Variants in TMEM11 observed in about 807,000 individuals in gnomAD.
The protein encoded by TMEM11 is transmembrane protein 11, mitochondrial.
In TMEM11, 1 loss-of-function variant was observed where a neutral mutation model predicts 17.0. The observed-to-expected ratio is 0.06, with a 90% CI of 0.02 to 0.28. The LOEUF (loss-of-function observed/expected upper bound fraction) is 0.28, where lower values mean the gene tolerates loss of function less well. TMEM11 is among the 10% of genes least tolerant of loss of function. The probability of loss-of-function intolerance (pLI) is 1.00; values close to 1 mark genes in which losing one functional copy is unlikely to be tolerated. For missense variants in TMEM11, 172 were observed against 252.9 expected, an observed-to-expected ratio of 0.68 and a Z score of 2.17; for synonymous variants, 122 against 118.1, an observed-to-expected ratio of 1.03 and a Z score of -0.21.
At chr17:21,212,052 G>A (rs11653711) in intron 1 of TMEM11, among the ~76,000 whole-genome samples, 44,991 of 151,950 alleles carry the variant, frequency 0.3, 6,713 homozygotes, top group Middle Eastern at 0.34. Flanking sequence ...CCCCACAGCG[G>A]GTTATGTTTC....
At chr17:21,213,912 T>G in intron 1 of TMEM11, 179 bp downstream of exon 1, 1 of 625,484 alleles carries the variant, frequency 1.6e-6, no homozygotes. Context: ...GCCGAGGCCT[T>G]CGACCTCGCT....
intron 1 of TMEM11, chr17:21,211,125 G>A (rs1249234584): frequency 4.7e-6 from 6 of 1,289,824 alleles, no homozygotes; most frequent in Non-Finnish European, 5.1e-6. Context: ...AGGACAAGTG[G>A]CAATCTGTTT....
At chr17:21,199,093 G>A (rs1005315641) in intron 1 of TMEM11, among the ~76,000 whole-genome samples, 13 of 151,936 alleles carry the variant, frequency 8.6e-5, no homozygotes, top group East Asian at 1.9e-4. Context: ...AGGCCGGGGG[G>A]GCGGATCATG....
Position 21,198,282 on chromosome 17 carries a change from T to G in TMEM11, c.*42A>C, listed in dbSNP as rs1372185618. The stretch of plus-strand genomic sequence containing the variant: ...GCGATCTGAATACTCTGTTGTCTCT[T>G]GTGGGCCGGGTGGTTTTGCTTCGCT... On this transcript the variant is annotated 3_prime_UTR_variant, in exon 2 of 2. Coordinates refer to ENST00000317635, the MANE Select transcript of TMEM11 (RefSeq NM_003876.3). The surrounding 1 kb of genome is among the most constrained non-coding windows in gnomAD (Gnocchi z 6.5). 1.3e-6 allele frequency: 2 copies of G among 1,578,598 alleles called. No homozygotes were observed. Among genetic ancestry groups the G allele is most frequent in the Non-Finnish European group, 1.7e-6 (2 of 1,158,482 alleles).
At chr17:21,203,409 C>T (rs1277951033) in intron 1 of TMEM11, among the ~76,000 whole-genome samples, 1 of 152,234 alleles carries the variant, frequency 6.6e-6, no homozygotes, top group Non-Finnish European at 1.5e-5. Flanking sequence ...TGCTGCACTT[C>T]TCTTACTTCA....
At position 21,199,282 on chromosome 17, in the gene TMEM11, G is replaced by A. The variant is rs552206802; in HGVS notation, c.63-442C>T. 1.6e-4 allele frequency among the ~76,000 whole-genome samples: 22 copies of A among 135,038 alleles called. No homozygotes were observed. In the East Asian group the frequency reaches 3.1e-3, roughly 19 times the overall value. 88.6% of individuals were successfully genotyped at this position (135,038 alleles called of 152,430 possible). A position where few individuals can be genotyped will look rare whatever the true frequency, so the allele number is the denominator to read the frequency against. The stretch of plus-strand genomic sequence containing the variant: ...GCGGAGCTTGCAGTGAGCCGAGATC[G>A]TGCCATTGCACTCCAGCCTGGGTGA... On this transcript the variant is annotated intron_variant, in intron 1 of 1. Coordinates refer to ENST00000317635, the MANE Select transcript of TMEM11 (RefSeq NM_003876.3).
intron 1 of TMEM11, among the ~76,000 whole-genome samples, chr17:21,206,986 A>C (rs1353164945): frequency 1.3e-5 from 2 of 152,188 alleles, no homozygotes; most frequent in African/African-American, 4.8e-5. Context: ...CATCTCAGAA[A>C]GAAACCCTGT....
chr17:21,201,479 G>C (rs540729649), intron 1 of TMEM11, among the ~76,000 whole-genome samples: 1 of 152,118 alleles, frequency 6.6e-6, no homozygotes, highest in Non-Finnish European at 1.5e-5. Flanking sequence ...GGGATGAAAT[G>C]ATGAGCTGTT....
At chr17:21,200,598 G>C (rs1974872739) in intron 1 of TMEM11, among the ~76,000 whole-genome samples, 1 of 152,218 alleles carries the variant, frequency 6.6e-6, no homozygotes, top group African/African-American at 2.4e-5. Flanking sequence ...CCAGGGACCT[G>C]CTGGTCACTG....
At chr17:21,205,267 A>T (rs1293587915) in intron 1 of TMEM11, among the ~76,000 whole-genome samples, 1 of 152,176 alleles carries the variant, frequency 6.6e-6, no homozygotes, top group South Asian at 2.1e-4. Context: ...TGAGAGCAAA[A>T]GATGACAGGA....
chr17:21,214,060 G>A, intron 1 of TMEM11, 31 bp downstream of exon 1: 2 of 1,599,568 alleles, frequency 1.3e-6, no homozygotes, highest in Non-Finnish European at 1.7e-6. Context: ...TGAGCCGCCT[G>A]CACTGGGGGC....
intron 1 of TMEM11, among the ~76,000 whole-genome samples, chr17:21,199,346 A>AAAAAAAT (rs1974856994): frequency 6.7e-6 from 1 of 149,566 alleles, no homozygotes; most frequent in Non-Finnish European, 1.5e-5. Context: ...AAAAAAAAAA[A>AAAAAAAT]GATATAAAAA....
chr17:21,208,168 A>G (rs1202924052), intron 1 of TMEM11, among the ~76,000 whole-genome samples: 1 of 149,866 alleles, frequency 6.7e-6, no homozygotes, highest in African/African-American at 2.4e-5. Context: ...AATTTTTTGT[A>G]TTTTTAGTAG....
chr17:21,214,064 T>G, intron 1 of TMEM11, 27 bp downstream of exon 1: 1 of 1,602,802 alleles, frequency 6.2e-7, no homozygotes, highest in South Asian at 1.1e-5. Context: ...CCGCCTGCAC[T>G]GGGGGCAACA....
chr17:21,206,877 T>C (rs1420246814), intron 1 of TMEM11, among the ~76,000 whole-genome samples: 1 of 152,110 alleles, frequency 6.6e-6, no homozygotes, highest in African/African-American at 2.4e-5. Flanking sequence ...TTTACTGAGA[T>C]AGAATTCACA....
chr17:21,208,073 A>G (rs1349355165), intron 1 of TMEM11, among the ~76,000 whole-genome samples: 1 of 150,338 alleles, frequency 6.7e-6, no homozygotes, highest in Non-Finnish European at 1.5e-5. Flanking sequence ...GCTCACTGCA[A>G]GCTCCGCCTC....
At chr17:21,199,976 C>G (rs565826828) in intron 1 of TMEM11, among the ~76,000 whole-genome samples, 1 of 152,332 alleles carries the variant, frequency 6.6e-6, no homozygotes, top group East Asian at 1.9e-4. Context: ...GCCCAGGCCC[C>G]TGCACCACCG....
chr17:21,205,843 G>A (rs529639009), intron 1 of TMEM11, among the ~76,000 whole-genome samples: 33 of 152,122 alleles, frequency 2.2e-4, no homozygotes, highest in African/African-American at 7.5e-4. Flanking sequence ...AGAGCATAAC[G>A]AGTCTTCAAG....
rs1212898946 is a variant in TMEM11, at chr17:21,198,302, T to C, written c.*22A>G. Reference sequence around the variant, plus strand: ...TCTCTTGTGGGCCGGGTGGTTTTGCTTCGCTCCCTGTTCTACTGAAATCAT... The same window carrying C: ...TCTCTTGTGGGCCGGGTGGTTTTGCCTCGCTCCCTGTTCTACTGAAATCAT... On this transcript the variant is annotated 3_prime_UTR_variant, in exon 2 of 2. Transcript: ENST00000317635. The surrounding 1 kb of genome is among the most constrained non-coding windows in gnomAD (Gnocchi z 6.5). 5 of 1,593,842 alleles carry C rather than the reference T, an allele frequency of 3.1e-6. No individual in the cohort carries two copies. Among genetic ancestry groups the C allele is most frequent in the Non-Finnish European group, 4.3e-6 (5 of 1,166,254 alleles).
Sources: gnomAD v4.1 joint callset for allele counts (sites outside exome capture counted in the v4.1 genomes callset) on GRCh38, gnomAD v4.1.1 for gene constraint, Gnocchi (gnomAD v3.1) non-coding constraint, MANE v1.5 for transcripts, NCBI Gene and HGNC (gene_info 2026-07-23, HGNC 2026-07-21) for gene names.